The following ACOT11 variants were observed in gnomAD, a reference collection of about 807,000 sequenced individuals.
ACOT11 encodes the protein acyl-CoA thioesterase 11.
Under a neutral mutation model 77.5 loss-of-function variants are expected in ACOT11, and 69 were observed. The observed-to-expected ratio is 0.89, with a 90% confidence interval of 0.73 to 1.09. ACOT11 has a LOEUF of 1.09. ACOT11 is among the 50% of genes least tolerant of loss of function. The probability of loss-of-function intolerance (pLI) is 0.00; values close to 1 mark genes in which losing one functional copy is unlikely to be tolerated. For synonymous variants in ACOT11, 279 were observed against 313.0 expected, an observed-to-expected ratio of 0.89 and a Z score of 1.15; for missense variants, 766 against 813.7, an observed-to-expected ratio of 0.94 and a Z score of 0.71.
Position 54,609,316 on chromosome 1 carries a change from T to C in ACOT11, c.*204T>C, listed in dbSNP as rs150959157. 9 of 1,612,670 alleles carry C rather than the reference T, an allele frequency of 5.6e-6. No homozygotes were observed. In the African/African-American group the frequency reaches 1.2e-4, roughly 22 times the overall value. The stretch of plus-strand genomic sequence containing the variant: ...GCAAGTCCTTGTGGTAGCCCTGGGG[T>C]AGCCTGTAGTAGACTCGGGTCCTGT... On this transcript the variant is annotated 3_prime_UTR_variant, in exon 16 of 16. Coordinates refer to ENST00000343744, the MANE Select transcript of ACOT11 (RefSeq NM_147161.4).
At chr1:54,590,818 G>A (rs1381020524) in intron 3 of ACOT11, among the ~76,000 whole-genome samples, 1 of 152,128 alleles carries the variant, frequency 6.6e-6, no homozygotes, top group Non-Finnish European at 1.5e-5. Flanking sequence ...GCAGTGGTGC[G>A]ATCTTGGCTC....
chr1:54,614,925 C>T (rs1300724871), downstream of ACOT11: 1 of 1,518,162 alleles, frequency 6.6e-7, no homozygotes. Flanking sequence ...ACTCCCTGGG[C>T]AGAAAGCAGA....
Position 54,609,507 on chromosome 1 carries a change from G to A in ACOT11, c.*395G>A, listed in dbSNP as rs760347088. On this transcript the variant is annotated 3_prime_UTR_variant, in exon 16 of 16. Transcript: ENST00000343744. The stretch of plus-strand genomic sequence containing the variant: ...ATGGCCTGCATCTGGAAGGACACAG[G>A]TTGCCAGAGCCCCTGGCACAACTCT... 1 of 1,613,120 alleles carries A rather than the reference G, an allele frequency of 6.2e-7. No homozygotes were observed. Among genetic ancestry groups the A allele is most frequent in the Non-Finnish European group, 8.5e-7 (1 of 1,180,038 alleles).
intron 1 of ACOT11, among the ~76,000 whole-genome samples, chr1:54,580,666 T>C (rs964178620): frequency 1.1e-4 from 17 of 151,266 alleles, no homozygotes; most frequent in African/African-American, 4.2e-4. Flanking sequence ...CATGGGCATT[T>C]ATTTAGCCCC....
At chr1:54,585,026 A>G (rs536307727) in intron 2 of ACOT11, among the ~76,000 whole-genome samples, 164 bp downstream of exon 2, 11 of 152,032 alleles carry the variant, frequency 7.2e-5, no homozygotes, top group Admixed American at 6.5e-4. Flanking sequence ...TGATGTCTCA[A>G]TGCTCAGCAC....
rs374585251 is a variant in ACOT11 at position 54,601,308 on chromosome 1, G to A, written c.924G>A (p.Glu308=). ...TGTGCGTGGAGGCCTATCGCCAGGA[G>A]GCTGAGACCCACCGGCGCCACATCA... is the stretch of plus-strand genomic sequence containing the variant. ...VGVCVEAYRQ[E]AETHRRHINS... The change falls in exon 9 of 16, where the codon GAG becomes GAA. Residue 308 remains glutamate (E), a synonymous_variant. Transcript: ENST00000343744. 7 of 1,613,198 alleles carry A rather than the reference G, an allele frequency of 4.3e-6. No homozygotes were observed. In the African/African-American group the frequency reaches 9.3e-5, roughly 22 times the overall value.
intron 1 of ACOT11, among the ~76,000 whole-genome samples, chr1:54,582,869 T>C (rs551343214): frequency 6.4e-4 from 98 of 152,198 alleles, no homozygotes; most frequent in African/African-American, 2.2e-3. Flanking sequence ...AAGTGGGCAT[T>C]GTCTCCCCAT....
intron 15 of ACOT11, among the ~76,000 whole-genome samples, chr1:54,621,105 A>G (rs1234080331): frequency 6.6e-6 from 1 of 151,378 alleles, no homozygotes; most frequent in Non-Finnish European, 1.5e-5. Flanking sequence ...GGTTGCAGTG[A>G]GCCGGAGATC....
At chr1:54,606,551 G>T (rs755903813) in intron 13 of ACOT11, among the ~76,000 whole-genome samples, 2 of 152,180 alleles carry the variant, frequency 1.3e-5, no homozygotes, top group Non-Finnish European at 2.9e-5. Flanking sequence ...CCACCTGATA[G>T]CCTGGACACA....
At chr1:54,591,277 T>C (rs1382661807) in intron 3 of ACOT11, among the ~76,000 whole-genome samples, 1 of 152,182 alleles carries the variant, frequency 6.6e-6, no homozygotes, top group Non-Finnish European at 1.5e-5. Context: ...TCAGTCCCAT[T>C]CTCTCTCACT....
intron 1 of ACOT11, chr1:54,582,395 C>A: frequency 1.0e-6 from 1 of 979,638 alleles, no homozygotes; most frequent in Non-Finnish European, 1.2e-6. Context: ...CCAGGCCCCT[C>A]TAGGCCCAAT....
chr1:54,603,665 C>T (rs550225846), intron 10 of ACOT11, among the ~76,000 whole-genome samples: 2 of 152,150 alleles, frequency 1.3e-5, no homozygotes, highest in African/African-American at 4.8e-5. Context: ...TCGCTCCCAC[C>T]TCTGAGCTTT....
intron 1 of ACOT11, among the ~76,000 whole-genome samples, chr1:54,580,366 G>C (rs300271): frequency 1.3e-4 from 20 of 151,900 alleles, no homozygotes; most frequent in Admixed American, 1.3e-3. Context: ...TCACTTTAGG[G>C]CATACCTTCT....
chr1:54,620,230 G>A (rs547860844), intron 15 of ACOT11, among the ~76,000 whole-genome samples: 173 of 152,336 alleles, frequency 1.1e-3, no homozygotes, highest in African/African-American at 4.0e-3. Context: ...AGGAAAGGGG[G>A]CAGGTTCACA....
chr1:54,631,038 G>T, intron 16 of ACOT11: 1 of 421,130 alleles, frequency 2.4e-6, no homozygotes, highest in Non-Finnish European at 4.3e-6. Context: ...ATGTTTATTT[G>T]CCAGCTGAAG....
At chr1:54,567,653 C>A (rs1416667851) in intron 1 of ACOT11, among the ~76,000 whole-genome samples, 1 of 152,112 alleles carries the variant, frequency 6.6e-6, no homozygotes, top group Non-Finnish European at 1.5e-5. Context: ...GCTCGCAAAC[C>A]CTCCCTCTAC....
In ACOT11 at chr1:54,605,245, T is replaced by A. The variant is rs376040995; in HGVS notation, c.1370+36T>A. ...AGGGTGAGGGCAGGGCAGTGTCCCT[T>A]CTCCGGCCTGATGAGGGAGAGAGTG... On this transcript the variant is annotated intron_variant, in intron 13 of 15. Coordinates refer to ENST00000343744, the MANE Select transcript of ACOT11 (RefSeq NM_147161.4). 33 of 1,602,756 alleles carry A rather than the reference T, an allele frequency of 2.1e-5. No homozygotes were observed. In the South Asian group the frequency reaches 2.2e-4, roughly 11 times the overall value.
chr1:54,589,011 T>C (rs897526302), intron 3 of ACOT11, among the ~76,000 whole-genome samples: 9 of 151,984 alleles, frequency 5.9e-5, no homozygotes, highest in Non-Finnish European at 8.8e-5. Flanking sequence ...TAAGGGCTAA[T>C]AACTCTTTTT....
downstream of ACOT11, chr1:54,612,775 C>G: frequency 8.1e-7 from 1 of 1,234,902 alleles, no homozygotes; most frequent in South Asian, 1.2e-5. Context: ...CCTCTGGGGT[C>G]TCATCACAGT....
Sources: allele counts gnomAD v4.1 joint callset (sites outside exome capture counted in the v4.1 genomes callset), GRCh38; gene constraint gnomAD v4.1.1; transcripts MANE v1.5; gene names NCBI Gene and HGNC (gene_info 2026-07-23, HGNC 2026-07-21).